Variants in ARHGEF10 observed in about 807,000 individuals in gnomAD.
The protein encoded by ARHGEF10 is Rho guanine nucleotide exchange factor (GEF) 10.
A neutral mutation model predicts 147.4 loss-of-function variants in ARHGEF10; 140 were observed. The ratio of observed to expected loss-of-function variants is 0.95; its 90% CI spans 0.83 to 1.09. ARHGEF10 has a LOEUF of 1.09. Among genes scored for constraint, ARHGEF10 ranks in the 50% least tolerant of loss-of-function variants. ARHGEF10 has a pLI of 0.00. For missense variants in ARHGEF10, 2,222 were observed against 1,752.7 expected (o/e 1.27, Z -4.78); for synonymous variants, 902 against 695.8 (o/e 1.30, Z -4.67).
intron 26 of ARHGEF10, among the ~76,000 whole-genome samples, chr8:1,940,217 G>C (rs533581083): frequency 6.6e-6 from 1 of 152,244 alleles, no homozygotes; most frequent in African/African-American, 2.4e-5. Flanking sequence ...TGTTTGTTTT[G>C]CTTTTTAAAA....
At chr8:1,854,847 G>T (rs1805429683) in intron 2 of ARHGEF10, among the ~76,000 whole-genome samples, 1 of 152,176 alleles carries the variant, frequency 6.6e-6, no homozygotes, top group African/African-American at 2.4e-5. Context: ...ACCTTGCTGG[G>T]CGGTGAGCAG....
At chr8:1,870,416 A>G (rs1359961310) in intron 7 of ARHGEF10, 1 of 152,142 alleles carries the variant, frequency 6.6e-6, no homozygotes, top group East Asian at 1.9e-4. Context: ...AAAGACTGCA[A>G]AATAAGTACA....
chr8:1,871,634 A>G (rs1401440582), intron 7 of ARHGEF10, among the ~76,000 whole-genome samples: 1 of 152,174 alleles, frequency 6.6e-6, no homozygotes, highest in Non-Finnish European at 1.5e-5. Flanking sequence ...CCTGGCCAAG[A>G]TGGTGAAACC....
intron 1 of ARHGEF10, 119 bp from the exon 2 acceptor site, chr8:1,843,234 T>C: frequency 1.4e-6 from 1 of 716,580 alleles, no homozygotes; most frequent in Non-Finnish European, 2.5e-6. Flanking sequence ...CTTCTAATTA[T>C]GGCTAGTAAT....
At chr8:1,835,759 G>T (rs1392363276) in intron 1 of ARHGEF10, among the ~76,000 whole-genome samples, 1 of 152,226 alleles carries the variant, frequency 6.6e-6, no homozygotes, top group African/African-American at 2.4e-5. Flanking sequence ...AGGGAGCGCA[G>T]TGGCTGTGCT....
At chr8:1,881,901 T>G (rs1417743696) in intron 9 of ARHGEF10, among the ~76,000 whole-genome samples, 2 of 152,158 alleles carry the variant, frequency 1.3e-5, no homozygotes, top group African/African-American at 2.4e-5. Flanking sequence ...TCACTCAGCG[T>G]CCAGTGGCCA....
At chr8:1,823,683 C>A (rs372596571), upstream of ARHGEF10, among the ~76,000 whole-genome samples, 6 of 150,724 alleles carry the variant, frequency 4.0e-5, no homozygotes, top group East Asian at 4.0e-4. Flanking sequence ...CCGGGGTCCG[C>A]GGGGCAGGAG....
chr8:1,894,040 G>A (rs1425905616), intron 12 of ARHGEF10, among the ~76,000 whole-genome samples: 2 of 151,890 alleles, frequency 1.3e-5, no homozygotes, highest in Non-Finnish European at 2.9e-5. Flanking sequence ...CGGGTGTGGC[G>A]GTATGTGCCT....
At position 1,843,389 on chromosome 8, in the gene ARHGEF10, G is replaced by T. The variant is rs1365198457; in HGVS notation, c.-11G>T. 6.2e-7 allele frequency: 1 copy of T among 1,613,122 alleles called. No homozygotes were observed. Among genetic ancestry groups the T allele is most frequent in the South Asian group, 1.1e-5 (1 of 91,056 alleles). On this transcript the variant is annotated 5_prime_UTR_variant, in exon 2 of 29. Transcript: ENST00000349830. ...CTTAACAGAGCTGAGAGAGGCATCT[G>T]GAGCTGCAGCATGGACCAGCGAGAG...
chr8:1,882,577 G>C (rs1454111676), intron 9 of ARHGEF10, 58 bp from the exon 10 acceptor site: 2 of 1,379,756 alleles, frequency 1.4e-6, no homozygotes, highest in Non-Finnish European at 2.0e-6. Context: ...ACAGGCAAAT[G>C]AAAGTCGCAG....
chr8:1,879,788 A>G (rs971630752), intron 8 of ARHGEF10, among the ~76,000 whole-genome samples: 1 of 152,038 alleles, frequency 6.6e-6, no homozygotes, highest in Admixed American at 6.5e-5. Context: ...CCTGAGCTCA[A>G]TTGATCCTCC....
intron 11 of ARHGEF10, among the ~76,000 whole-genome samples, chr8:1,887,545 A>C (rs952123813): frequency 7.0e-6 from 1 of 143,270 alleles, no homozygotes; most frequent in African/African-American, 2.7e-5. Context: ...GTGAGGAAAC[A>C]CTGAGTTGGG....
chr8:1,888,117 A>G (rs1402571648), intron 11 of ARHGEF10, among the ~76,000 whole-genome samples: 4 of 94,544 alleles, frequency 4.2e-5, no homozygotes, highest in African/African-American at 3.9e-4. Flanking sequence ...GGAGACACTT[A>G]GTGGGGTGAG....
At position 1,882,647 on chromosome 8, in the gene ARHGEF10, G is replaced by A. The variant is rs139046783; in HGVS notation, c.973G>A (p.Val325Met). The change falls in exon 10 of 29, where the codon GTG becomes ATG. Residue 325 changes from valine to methionine, a missense_variant. Transcript: ENST00000349830. ...CTCTCCGTCGCAGATGCAGAAGCTC[G>A]TGAAGGCCGCGAAGGACGGCACCAA... is the stretch of plus-strand genomic sequence containing the variant. The part of the protein sequence containing the change: ...QKHELKMQKL[V>M]KAAKDGTKDG... The A allele has an allele frequency of 5.9e-4, 910 of 1,553,950 alleles. 5 individuals are homozygous for A. In the African/African-American group the frequency reaches 0.011, roughly 19 times the overall value.
chr8:1,898,141 A>G (rs1315486368), intron 14 of ARHGEF10, among the ~76,000 whole-genome samples: 1 of 152,060 alleles, frequency 6.6e-6, no homozygotes, highest in Non-Finnish European at 1.5e-5. Flanking sequence ...TGGCCAGAAC[A>G]CAGACACCCA....
intron 23 of ARHGEF10, chr8:1,927,529 G>A (rs565459843): frequency 1.9e-4 from 29 of 152,246 alleles, no homozygotes; most frequent in African/African-American, 6.7e-4. Flanking sequence ...ATAAATTTAA[G>A]TTTAAATTGG....
In ARHGEF10 at chr8:1,909,350, G is replaced by A. The variant is rs376899203; in HGVS notation, c.2023G>A (p.Val675Ile). The change falls in exon 18 of 29, where the codon GTT becomes ATT. Residue 675 changes from valine to isoleucine, a missense_variant. Coordinates refer to ENST00000349830, the MANE Select transcript of ARHGEF10 (RefSeq NM_014629.4). ...CCAGAGGTACTTGCTGAAGTGGAGC[G>A]TTCCACTGGGACATGTGGACGCCAT... ...SSQRYLLKWS[V>I]PLGHVDAIEY... The A allele has an allele frequency of 1.8e-5, 29 of 1,614,088 alleles. No individual in the cohort carries two copies. The highest frequency in any genetic ancestry group is 4.0e-5 in the African/African-American group (3 of 74,946).
At chr8:1,898,245 C>T (rs1009053517) in intron 14 of ARHGEF10, among the ~76,000 whole-genome samples, 188 bp from the exon 15 acceptor site, 7 of 152,198 alleles carry the variant, frequency 4.6e-5, no homozygotes, top group South Asian at 2.1e-4. Context: ...TGCAGCAAAG[C>T]GGAAGCCCCT....
intron 1 of ARHGEF10, among the ~76,000 whole-genome samples, chr8:1,843,061 T>G (rs1477073516): frequency 6.6e-6 from 1 of 152,226 alleles, no homozygotes; most frequent in Non-Finnish European, 1.5e-5. Context: ...TTAAAGCCAG[T>G]GTCATTTTGG....
Sources: allele counts gnomAD v4.1 joint callset (sites outside exome capture counted in the v4.1 genomes callset), GRCh38; gene constraint gnomAD v4.1.1; transcripts MANE v1.5; gene names NCBI Gene and HGNC (gene_info 2026-07-23, HGNC 2026-07-21).